The following SOBP variants were observed in gnomAD, a reference collection of about 807,000 sequenced individuals.
SOBP encodes the protein sine oculis binding protein homolog.
Under a neutral mutation model 53.6 loss-of-function variants are expected in SOBP, and 4 were observed. The ratio of observed to expected loss-of-function variants is 0.07; its 90% CI spans 0.04 to 0.17. The LOEUF (loss-of-function observed/expected upper bound fraction) is 0.17. SOBP is among the 10% of genes least tolerant of loss of function. The probability of loss-of-function intolerance (pLI) is 1.00; values close to 1 mark genes in which losing one functional copy is unlikely to be tolerated. For missense variants in SOBP, 1,088 were observed against 1,204.7 expected (o/e 0.90, Z 1.43); for synonymous variants, 584 against 522.6 (o/e 1.12, Z -1.60).
chr6:107,524,860 A>C (rs1021940430), intron 3 of SOBP, among the ~76,000 whole-genome samples: 4 of 152,224 alleles, frequency 2.6e-5, no homozygotes, highest in African/African-American at 9.6e-5. Context: ...AGGCTTCCTC[A>C]GAAGTCCAGT....
chr6:107,657,272 A>T (rs1772108355), intron 6 of SOBP, among the ~76,000 whole-genome samples: 1 of 152,240 alleles, frequency 6.6e-6, no homozygotes, highest in South Asian at 2.1e-4. Context: ...AGAGCCTCAT[A>T]TCTCGGTGAA....
chr6:107,576,395 C>A (rs563418902), intron 4 of SOBP, among the ~76,000 whole-genome samples: 1 of 152,294 alleles, frequency 6.6e-6, no homozygotes, highest in South Asian at 2.1e-4. Context: ...CTAAAGAAAT[C>A]TTATCTTTAA....
At chr6:107,547,844 A>C (rs1784346197) in intron 4 of SOBP, among the ~76,000 whole-genome samples, 1 of 152,218 alleles carries the variant, frequency 6.6e-6, no homozygotes, top group African/African-American at 2.4e-5. Context: ...TTAAGTGTTC[A>C]GATGTCATGC....
intron 4 of SOBP, among the ~76,000 whole-genome samples, chr6:107,581,285 A>G (rs548049202): frequency 6.6e-6 from 1 of 152,338 alleles, no homozygotes; most frequent in African/African-American, 2.4e-5. Context: ...ACGAAGGCTT[A>G]AAGGTCACAT....
At chr6:107,617,021 G>A (rs188831582) in intron 5 of SOBP, among the ~76,000 whole-genome samples, 4 of 152,280 alleles carry the variant, frequency 2.6e-5, no homozygotes, top group South Asian at 2.1e-4. Flanking sequence ...CTGCTCGAGC[G>A]TCTGCCAGGC....
At chr6:107,538,319 ACT>A (rs1192950858) in intron 4 of SOBP, among the ~76,000 whole-genome samples, 6 of 152,092 alleles carry the variant, frequency 3.9e-5, no homozygotes, top group African/African-American at 1.4e-4. Context: ...TAACCTGTCT[ACT>A]CTTTTTCCTT....
chr6:107,612,122 C>G (rs1314981516), intron 5 of SOBP, among the ~76,000 whole-genome samples: 1 of 152,190 alleles, frequency 6.6e-6, no homozygotes, highest in Non-Finnish European at 1.5e-5. Context: ...TTTCTGAGGA[C>G]AAGACCTGGA....
intron 3 of SOBP, among the ~76,000 whole-genome samples, chr6:107,524,121 T>A (rs1783592613): frequency 6.6e-6 from 1 of 152,254 alleles, no homozygotes; most frequent in Non-Finnish European, 1.5e-5. Context: ...AGGTCCTGTA[T>A]AAAGCAGCTT....
chr6:107,530,260 T>TGAATCAC (rs1293324176), intron 3 of SOBP, among the ~76,000 whole-genome samples: 1 of 152,236 alleles, frequency 6.6e-6, no homozygotes, highest in African/African-American at 2.4e-5. Flanking sequence ...GTTAAAGTGC[T>TGAATCAC]GAAACCTTCT....
At chr6:107,551,422 A>T (rs749336677) in intron 4 of SOBP, among the ~76,000 whole-genome samples, 76 of 152,226 alleles carry the variant, frequency 5.0e-4, no homozygotes, top group Non-Finnish European at 1.9e-4. Flanking sequence ...GTACGCACAC[A>T]CACACAAACT....
rs984341127 is a variant in SOBP, at chr6:107,635,755, AATATT to A, written c.*3+287_*3+291del. 3.3e-5 allele frequency among the ~76,000 whole-genome samples: 5 copies of A among 152,126 alleles called. No homozygotes were observed. Among genetic ancestry groups the A allele is most frequent in the Admixed American group, 3.3e-4 (5 of 15,274 alleles). ...GAGCTCAGTCTCCAACCTGTCATGA[AATATT>A]GTCTCTCCAATTACACTTTATTATC... On this transcript the variant is annotated intron_variant, in intron 6 of 6. Coordinates refer to ENST00000317357, the MANE Select transcript of SOBP (RefSeq NM_018013.4). This position sits in a 1 kb window ranked among gnomAD's most constrained non-coding sequence, Gnocchi z 4.5.
intron 4 of SOBP, among the ~76,000 whole-genome samples, chr6:107,582,779 T>C (rs73516997): frequency 0.024 from 3,668 of 152,296 alleles, 146 homozygotes; most frequent in African/African-American, 0.085. Flanking sequence ...TCAGAACTTG[T>C]CACTCTGGAA....
intron 4 of SOBP, among the ~76,000 whole-genome samples, chr6:107,546,231 T>C (rs1209622981): frequency 6.6e-6 from 1 of 152,170 alleles, no homozygotes; most frequent in Non-Finnish European, 1.5e-5. Context: ...AAGAGAAAGA[T>C]GCCGTATATG....
chr6:107,614,415 C>T (rs1786706646), intron 5 of SOBP, among the ~76,000 whole-genome samples: 1 of 152,086 alleles, frequency 6.6e-6, no homozygotes, highest in Admixed American at 6.5e-5. Context: ...GAAGATGTTA[C>T]CCTTGGGACA....
intron 5 of SOBP, among the ~76,000 whole-genome samples, chr6:107,617,096 C>T (rs1786820063): frequency 1.3e-5 from 2 of 152,170 alleles, no homozygotes; most frequent in South Asian, 4.1e-4. Context: ...CACCTAAAGT[C>T]CTAACAGCAT....
chr6:107,529,374 C>T (rs1783754904), intron 3 of SOBP: 1 of 840,630 alleles, frequency 1.2e-6, no homozygotes, highest in Non-Finnish European at 1.4e-6. Flanking sequence ...ATGGGGAACA[C>T]ACAGGAGTCT....
At chr6:107,616,599 A>G (rs1786799769) in intron 5 of SOBP, among the ~76,000 whole-genome samples, 1 of 152,192 alleles carries the variant, frequency 6.6e-6, no homozygotes, top group African/African-American at 2.4e-5. Context: ...TGCTCTTTAA[A>G]ATAGCCTTGT....
intron 4 of SOBP, among the ~76,000 whole-genome samples, chr6:107,565,748 T>G (rs936499936): frequency 6.6e-6 from 1 of 152,160 alleles, no homozygotes; most frequent in Non-Finnish European, 1.5e-5. Flanking sequence ...AAAATGAACC[T>G]AAAAGTCATC....
intron 1 of SOBP, among the ~76,000 whole-genome samples, chr6:107,495,689 A>C (rs1562570669): frequency 6.6e-6 from 1 of 152,202 alleles, no homozygotes; most frequent in Non-Finnish European, 1.5e-5. Context: ...AGTAAAAAAC[A>C]GGGCCTTAAA....
Sources: gnomAD v4.1 joint callset for allele counts (sites outside exome capture counted in the v4.1 genomes callset) on GRCh38, gnomAD v4.1.1 for gene constraint, Gnocchi (gnomAD v3.1) non-coding constraint, MANE v1.5 for transcripts, NCBI Gene and HGNC (gene_info 2026-07-23, HGNC 2026-07-21) for gene names.